RORA: variants seen among roughly 807,000 people sequenced by gnomAD.
RORA encodes nuclear receptor ROR-alpha.
In RORA, 7 loss-of-function variants were observed where a neutral mutation model predicts 69.5. The ratio of observed to expected loss-of-function variants is 0.10; its 90% confidence interval spans 0.06 to 0.19. RORA has a LOEUF of 0.19. Among genes scored for constraint, RORA ranks in the 10% least tolerant of loss-of-function variants. RORA has a pLI of 1.00. For synonymous variants in RORA, 261 were observed against 240.8 expected (o/e 1.08, Z -0.78); for missense variants, 457 against 663.0 (o/e 0.69, Z 3.41).
intron 2 of RORA, among the ~76,000 whole-genome samples, chr15:60,628,126 T>C (rs554013917): frequency 7.9e-5 from 12 of 152,226 alleles, no homozygotes; most frequent in African/African-American, 1.9e-4. Context: ...GGTATGTTAC[T>C]GATTATTTCG....
chr15:60,771,236 C>T lies in RORA; in HGVS notation c.167-92550G>A, dbSNP rs550222483. Among the ~76,000 whole-genome samples the T allele has an allele frequency of 5.3e-5, 8 of 152,248 alleles. No homozygotes were observed. In the South Asian group the frequency reaches 1.7e-3, roughly 32 times the overall value. ...TTGAGTTACTTTCCCATCTGGAATG[C>T]CTCCTTTCCTTCTCTCGCCCTGGAT... On this transcript the variant is annotated intron_variant, in intron 1 of 10. Transcript: ENST00000335670.
intron 1 of RORA, among the ~76,000 whole-genome samples, chr15:60,853,691 C>T (rs2073349584): frequency 6.6e-6 from 1 of 152,150 alleles, no homozygotes; most frequent in Non-Finnish European, 1.5e-5. Flanking sequence ...ATCATTGTGG[C>T]CCAGCAAGGG....
chr15:60,887,540 G>A (rs944497328), intron 1 of RORA, among the ~76,000 whole-genome samples: 4 of 152,096 alleles, frequency 2.6e-5, no homozygotes, highest in Admixed American at 6.5e-5. Context: ...AGAAGCAGGC[G>A]GACAAAATGA....
intron 2 of RORA, among the ~76,000 whole-genome samples, chr15:60,656,986 T>C (rs2070230623): frequency 6.6e-6 from 1 of 152,196 alleles, no homozygotes; most frequent in Non-Finnish European, 1.5e-5. Context: ...ATTAGAAGAA[T>C]AGAAAGACCA....
chr15:60,806,268 G>C (rs2072658455), intron 1 of RORA, among the ~76,000 whole-genome samples: 1 of 152,206 alleles, frequency 6.6e-6, no homozygotes, highest in African/African-American at 2.4e-5. Context: ...TACTCTAGCA[G>C]CTGGCTGGCC....
intron 1 of RORA, among the ~76,000 whole-genome samples, chr15:61,070,415 C>T (rs1299258532): frequency 1.3e-5 from 2 of 152,216 alleles, no homozygotes; most frequent in Admixed American, 6.5e-5. Context: ...GTAGAAGAGA[C>T]CCCAACACCA....
intron 1 of RORA, among the ~76,000 whole-genome samples, chr15:61,144,017 G>A (rs1189075615): frequency 6.6e-6 from 1 of 152,198 alleles, no homozygotes; most frequent in African/African-American, 2.4e-5. Context: ...CAACTAATAT[G>A]TTAGATAAAA....
chr15:61,228,438 C>T (rs1211532626), intron 1 of RORA, among the ~76,000 whole-genome samples: 4 of 152,002 alleles, frequency 2.6e-5, no homozygotes, highest in Non-Finnish European at 5.9e-5. Context: ...CCCAAACGCA[C>T]CGCCGTGCTC....
In RORA at chr15:61,179,263, T is replaced by C. The variant is rs74018512; in HGVS notation, c.166+49790A>G. On this transcript the variant is annotated intron_variant, in intron 1 of 10. Transcript: ENST00000335670. The stretch of plus-strand genomic sequence containing the variant: ...ACCCATGAGGTCAAAACAATTTTCA[T>C]AATACTTTGACAAATAGTAGAGTTT... Among the ~76,000 whole-genome samples the C allele has an allele frequency of 5.5e-3, 832 of 152,332 alleles. 7 individuals are homozygous for C. The highest frequency in any genetic ancestry group is 0.019 in the African/African-American group (793 of 41,560).
chr15:61,152,142 G>A (rs952275708), intron 1 of RORA, among the ~76,000 whole-genome samples: 5 of 152,088 alleles, frequency 3.3e-5, no homozygotes, highest in African/African-American at 7.2e-5. Context: ...TCATAAACCC[G>A]GAAAGGCAGT....
rs1351408808 is a variant in RORA at position 60,534,336 on chromosome 15, C to A, written c.197-2485G>T. Among the ~76,000 whole-genome samples the A allele has an allele frequency of 6.6e-6, 1 of 152,098 alleles. No individual in the cohort carries two copies. Among genetic ancestry groups the A allele is most frequent in the Non-Finnish European group, 1.5e-5 (1 of 68,022 alleles). On this transcript the variant is annotated intron_variant, in intron 2 of 10. Transcript: ENST00000335670. This position sits in a 1 kb window ranked among gnomAD's most constrained non-coding sequence, Gnocchi z 5.0. ...GTAGTACAGACCCCAGAGTTTGGTG[C>A]CACTGTGACACAGGACTGATGGCCT...
At chr15:61,040,234 G>A (rs1896694275) in intron 1 of RORA, among the ~76,000 whole-genome samples, 1 of 145,826 alleles carries the variant, frequency 6.9e-6, no homozygotes, top group Non-Finnish European at 1.5e-5. Context: ...TAAATAGGTA[G>A]GTGGTATATG....
intron 3 of RORA, among the ~76,000 whole-genome samples, chr15:60,516,263 T>G (rs1156732949): frequency 1.1e-5 from 1 of 92,736 alleles, no homozygotes; most frequent in South Asian, 2.9e-4. Flanking sequence ...ATATATATAT[T>G]TATATATTTT....
chr15:60,866,855 C>T (rs9707838), intron 1 of RORA, among the ~76,000 whole-genome samples: 1,043 of 90,608 alleles, frequency 0.012, 13 homozygotes, highest in African/African-American at 0.019. Context: ...TATCTATCTA[C>T]CTACCTACCT....
chr15:60,940,220 G>C (rs773747136), intron 1 of RORA, among the ~76,000 whole-genome samples: 1 of 152,172 alleles, frequency 6.6e-6, no homozygotes, highest in Non-Finnish European at 1.5e-5. Flanking sequence ...AGATAAAATT[G>C]TTGGCTAAGA....
At chr15:60,995,309 A>G (rs1025230403) in intron 1 of RORA, among the ~76,000 whole-genome samples, 16 of 152,346 alleles carry the variant, frequency 1.1e-4, no homozygotes, top group Middle Eastern at 3.4e-3. Context: ...AGGCTCAGAT[A>G]AATGAGGGCC....
At chr15:60,629,637 G>A (rs183986604) in intron 2 of RORA, among the ~76,000 whole-genome samples, 1 of 152,310 alleles carries the variant, frequency 6.6e-6, no homozygotes. Context: ...TGGGTAGGCA[G>A]ATGGGATGCT....
At chr15:60,632,068 CTATT>C (rs2069748607) in intron 2 of RORA, among the ~76,000 whole-genome samples, 2 of 151,822 alleles carry the variant, frequency 1.3e-5, no homozygotes, top group Admixed American at 1.3e-4. Flanking sequence ...TTATTAATAA[CTATT>C]TATGTGTAGT....
At chr15:61,210,700 C>A (rs556007668) in intron 1 of RORA, among the ~76,000 whole-genome samples, 6 of 152,140 alleles carry the variant, frequency 3.9e-5, no homozygotes, top group Non-Finnish European at 5.9e-5. Context: ...CTTTTTGAAA[C>A]CTTGAGCCGC....
Sources: gnomAD v4.1 joint callset for allele counts (sites outside exome capture counted in the v4.1 genomes callset) on GRCh38, gnomAD v4.1.1 for gene constraint, Gnocchi (gnomAD v3.1) non-coding constraint, MANE v1.5 for transcripts, NCBI Gene and HGNC (gene_info 2026-07-23, HGNC 2026-07-21) for gene names.